The following MORC2 variants were observed in gnomAD, a reference collection of about 807,000 sequenced individuals.
MORC2 encodes MORC family CW-type zinc finger 2.
Under a neutral mutation model 136.0 loss-of-function variants are expected in MORC2, and 30 were observed. The ratio of observed to expected loss-of-function variants is 0.22; its 90% CI spans 0.17 to 0.30. The LOEUF (loss-of-function observed/expected upper bound fraction) is 0.30. MORC2 is among the 10% of genes least tolerant of loss of function. The probability of loss-of-function intolerance (pLI) is 1.00; values close to 1 mark genes in which losing one functional copy is unlikely to be tolerated. For synonymous variants in MORC2, 439 were observed against 487.0 expected (o/e 0.90, Z 1.30); for missense variants, 922 against 1,333.1 (o/e 0.69, Z 4.80).
intron 9 of MORC2, 131 bp from the exon 10 acceptor site, chr22:30,940,968 A>C (rs2040734834): frequency 1.3e-6 from 1 of 786,170 alleles, no homozygotes; most frequent in African/African-American, 1.7e-5. Context: ...GATGAGACAA[A>C]TCCAAGCTCA....
chr22:30,938,054 G>T lies in MORC2; in HGVS notation c.1214+11C>A. ...TCCTGGGCTAGACAGCTCTCTGTGG[G>T]TAGTACTCACATGCCCCCTTCCAGC... On this transcript the variant is annotated intron_variant, in intron 13 of 25. Coordinates refer to ENST00000397641, the MANE Select transcript of MORC2 (RefSeq NM_001303256.3). 9 of 1,614,058 alleles carry T rather than the reference G, an allele frequency of 5.6e-6. No homozygotes were observed. Among genetic ancestry groups the T allele is most frequent in the Non-Finnish European group, 7.6e-6 (9 of 1,180,000 alleles).
rs574964338 is a variant in MORC2, at chr22:30,967,475, G to C, written c.68+347C>G. On this transcript the variant is annotated intron_variant, in intron 1 of 25. Coordinates refer to ENST00000397641, the MANE Select transcript of MORC2 (RefSeq NM_001303256.3). ...GACGTTGTCACTACAGAGGGGAAAC[G>C]GTTGATACTAAAATAGTCCAACATT... 2.9e-6 allele frequency: 3 copies of C among 1,042,140 alleles called. No homozygotes were observed. In the East Asian group the frequency reaches 2.7e-4, roughly 93 times the overall value. 64.6% of individuals were successfully genotyped at this position (1,042,140 alleles called of 1,614,324 possible).
chr22:30,927,441 G>A (rs1051513369), intron 25 of MORC2, among the ~76,000 whole-genome samples: 33 of 152,222 alleles, frequency 2.2e-4, no homozygotes, highest in African/African-American at 7.0e-4. Flanking sequence ...TGGAATGCTC[G>A]TGTCACACTC....
Position 30,928,226 on chromosome 22 carries a change from G to T in MORC2, c.2842-19C>A, listed in dbSNP as rs538967241. 1 of 1,613,886 alleles carries T rather than the reference G, an allele frequency of 6.2e-7. No individual in the cohort carries two copies. The highest frequency in any genetic ancestry group is 1.1e-5 in the South Asian group (1 of 91,046). On this transcript the variant is annotated intron_variant, in intron 24 of 25. Coordinates refer to ENST00000397641, the MANE Select transcript of MORC2 (RefSeq NM_001303256.3). ...ACTCCTTCTGTTGGGAGCAGAGCAAGAGGGAGAGTGTGTAAGTTCACAGGG... is the reference window on the plus strand; with the variant it reads ...ACTCCTTCTGTTGGGAGCAGAGCAATAGGGAGAGTGTGTAAGTTCACAGGG...
intron 1 of MORC2, among the ~76,000 whole-genome samples, chr22:30,966,880 T>C (rs751779012): frequency 1.3e-5 from 2 of 152,192 alleles, no homozygotes; most frequent in Admixed American, 6.5e-5. Flanking sequence ...AAAGGAAAAA[T>C]AGAAATATTA....
chr22:30,929,824 GTAT>G (rs1389430252), intron 24 of MORC2: 2 of 152,158 alleles, frequency 1.3e-5, no homozygotes, highest in Non-Finnish European at 2.9e-5. Flanking sequence ...TGATACACTG[GTAT>G]TATACCTCCT....
rs2041031042 is a variant in MORC2 at position 30,960,692 on chromosome 22, T to C, written c.69-1998A>G. Among the ~76,000 whole-genome samples, 3 of 150,400 alleles carry C rather than the reference T, an allele frequency of 2.0e-5. No individual in the cohort carries two copies. In the South Asian group the frequency reaches 6.3e-4, roughly 32 times the overall value. On this transcript the variant is annotated intron_variant, in intron 1 of 25. Coordinates refer to ENST00000397641, the MANE Select transcript of MORC2 (RefSeq NM_001303256.3). ...TTTTAGTAGAGACGGGGTTTCTCCATGTTGGTCAGGCTGGTCTTGAACTCC... is the reference window on the plus strand; with the variant it reads ...TTTTAGTAGAGACGGGGTTTCTCCACGTTGGTCAGGCTGGTCTTGAACTCC...
intron 6 of MORC2, among the ~76,000 whole-genome samples, chr22:30,944,317 AGGTGACAAT>A (rs1276552120): frequency 6.6e-6 from 1 of 152,110 alleles, no homozygotes; most frequent in Non-Finnish European, 1.5e-5. Context: ...CAGCCATCCC[AGGTGACAAT>A]GGCATCACTT....
chr22:30,963,604 T>C, intron 1 of MORC2, among the ~76,000 whole-genome samples: 1 of 152,100 alleles, frequency 6.6e-6, no homozygotes, highest in Non-Finnish European at 1.5e-5. Context: ...CAGGCTGGTC[T>C]GGAACTCCTG....
chr22:30,938,619 G>C (rs1208806967), intron 12 of MORC2, among the ~76,000 whole-genome samples: 2 of 152,256 alleles, frequency 1.3e-5, no homozygotes, highest in East Asian at 3.9e-4. Flanking sequence ...GCCCAGGCTG[G>C]AGTGCAGTGG....
chr22:30,949,459 G>A (rs535191756), intron 5 of MORC2, among the ~76,000 whole-genome samples: 11 of 111,886 alleles, frequency 9.8e-5, no homozygotes, highest in Admixed American at 2.8e-4. Flanking sequence ...CTTGACTACA[G>A]GGTAAAAATA....
intron 1 of MORC2, among the ~76,000 whole-genome samples, chr22:30,966,157 T>C (rs1418374250): frequency 6.6e-6 from 1 of 152,234 alleles, no homozygotes; most frequent in Non-Finnish European, 1.5e-5. Context: ...TATTATCCCA[T>C]AAAGTCTTTG....
intron 2 of MORC2, among the ~76,000 whole-genome samples, 160 bp downstream of exon 2, chr22:30,958,481 G>A (rs758112935): frequency 3.3e-5 from 5 of 152,166 alleles, no homozygotes; most frequent in Non-Finnish European, 7.3e-5. Flanking sequence ...CAACTAATGT[G>A]CTATTAAAAA....
chr22:30,932,791 T>C lies in MORC2; in HGVS notation c.2523-22A>G. On this transcript the variant is annotated intron_variant, in intron 22 of 25. Coordinates refer to ENST00000397641, the MANE Select transcript of MORC2 (RefSeq NM_001303256.3). This position sits in a 1 kb window ranked among gnomAD's most constrained non-coding sequence, Gnocchi z 4.4. ...CACCCTGTGGAAGACACACAGCTTA[T>C]GTCATGTCTGACCCGGGCTCCCAGG... is the stretch of plus-strand genomic sequence containing the variant. The C allele has an allele frequency of 6.2e-7, 1 of 1,613,712 alleles. No individual in the cohort carries two copies. Among genetic ancestry groups the C allele is most frequent in the South Asian group, 1.1e-5 (1 of 91,070 alleles).
chr22:30,933,258 A>G (rs1293251224), intron 21 of MORC2, among the ~76,000 whole-genome samples: 1 of 152,144 alleles, frequency 6.6e-6, no homozygotes, highest in African/African-American at 2.4e-5. Context: ...CCAGGAGTGA[A>G]CACCAAGGAA....
intron 2 of MORC2, among the ~76,000 whole-genome samples, chr22:30,958,008 A>G (rs1310805830): frequency 2.0e-5 from 3 of 152,226 alleles, no homozygotes; most frequent in African/African-American, 7.2e-5. Context: ...AGACTAAGAC[A>G]CTATTTTCCT....
In MORC2 at chr22:30,926,620, AAAAT is replaced by A. The variant is rs1330866103; in HGVS notation, c.*179_*182del. On this transcript the variant is annotated 3_prime_UTR_variant, in exon 26 of 26. Transcript: ENST00000397641. ...TCACAGGCACAGCATCTTCTTTTAA[AAAAT>A]AAATATTTATAAACTTAAGGAAGAT... 2 of 360,472 alleles carry A rather than the reference AAAAT, an allele frequency of 5.5e-6. No individual in the cohort carries two copies. The highest frequency in any genetic ancestry group is 9.9e-6 in the Non-Finnish European group (2 of 202,098). The allele number at this position is 360,472 out of a possible 1,614,324, so 22.3% of individuals were successfully genotyped here.
intron 12 of MORC2, 97 bp from the exon 13 acceptor site, chr22:30,938,302 T>A: frequency 7.0e-7 from 1 of 1,435,764 alleles, no homozygotes. Flanking sequence ...TTGAAACATG[T>A]TAAGCCAAAA....
At chr22:30,929,459 T>G (rs922343907) in intron 24 of MORC2, among the ~76,000 whole-genome samples, 3 of 152,156 alleles carry the variant, frequency 2.0e-5, no homozygotes, top group African/African-American at 7.2e-5. Flanking sequence ...AAAAATAGTT[T>G]GAGTGATGGC....
Sources: gnomAD v4.1 joint callset for allele counts (sites outside exome capture counted in the v4.1 genomes callset) on GRCh38, gnomAD v4.1.1 for gene constraint, Gnocchi (gnomAD v3.1) non-coding constraint, MANE v1.5 for transcripts, NCBI Gene and HGNC (gene_info 2026-07-23, HGNC 2026-07-21) for gene names.